The following EFCAB6 variants were observed in gnomAD, a reference collection of about 807,000 sequenced individuals.
EFCAB6 encodes the protein EF-hand calcium-binding domain-containing protein 6.
Under a neutral mutation model 169.8 loss-of-function variants are expected in EFCAB6, and 156 were observed. That is an observed-to-expected ratio of 0.92 (90% CI 0.81 to 1.05). EFCAB6 has a LOEUF of 1.05. Ranked by LOEUF, EFCAB6 falls within the 50% of genes least tolerant of loss-of-function variation. The probability of loss-of-function intolerance (pLI) is 0.00; values close to 1 mark genes in which losing one functional copy is unlikely to be tolerated. For missense variants in EFCAB6, 1,800 were observed against 1,829.1 expected (o/e 0.98, Z 0.29); for synonymous variants, 698 against 676.4 (o/e 1.03, Z -0.50).
chr22:43,612,622 TGGC>T (rs1411768256), intron 21 of EFCAB6, among the ~76,000 whole-genome samples: 35 of 152,184 alleles, frequency 2.3e-4, no homozygotes, highest in African/African-American at 7.7e-4. Flanking sequence ...CCAGGTGTGG[TGGC>T]TCACACCTGT....
intron 10 of EFCAB6, among the ~76,000 whole-genome samples, chr22:43,708,456 G>A (rs1338649944): frequency 6.6e-6 from 1 of 151,862 alleles, no homozygotes; most frequent in Non-Finnish European, 1.5e-5. Context: ...AAGAAAAAAA[G>A]AAGAGCAGAA....
intron 18 of EFCAB6, among the ~76,000 whole-genome samples, chr22:43,633,477 G>A (rs1211817733): frequency 6.6e-6 from 1 of 152,218 alleles, no homozygotes; most frequent in Non-Finnish European, 1.5e-5. Context: ...GAACCCAGGA[G>A]GCTGAGGTTG....
intron 10 of EFCAB6, among the ~76,000 whole-genome samples, chr22:43,700,261 A>G (rs1272244224): frequency 6.6e-6 from 1 of 152,180 alleles, no homozygotes; most frequent in African/African-American, 2.4e-5. Flanking sequence ...TAGGGTTTAA[A>G]ATTTAAGCCC....
chr22:43,763,753 A>C (rs1054363129), intron 5 of EFCAB6, among the ~76,000 whole-genome samples: 2 of 151,764 alleles, frequency 1.3e-5, no homozygotes, highest in Non-Finnish European at 2.9e-5. Context: ...GTGTATTTAT[A>C]ATTTCAACTT....
chr22:43,537,326 T>A lies in EFCAB6; in HGVS notation c.4048+51A>T. ...CTTTGTACCCAGTGGGAACAGCCTC[T>A]TGCCACAGGGGCTGACCACATATTA... On this transcript the variant is annotated intron_variant, in intron 29 of 31. Transcript: ENST00000262726. This position sits in a 1 kb window ranked among gnomAD's most constrained non-coding sequence, Gnocchi z 4.3. 1 of 1,592,812 alleles carries A rather than the reference T, an allele frequency of 6.3e-7. No individual in the cohort carries two copies. The highest frequency in any genetic ancestry group is 8.6e-7 in the Non-Finnish European group (1 of 1,167,024).
intron 7 of EFCAB6, among the ~76,000 whole-genome samples, chr22:43,733,771 C>T (rs11090606): frequency 0.37 from 56,852 of 151,734 alleles, 11,337 homozygotes; most frequent in African/African-American, 0.48. Context: ...TGCAGTGGTG[C>T]GATCTCAGCT....
chr22:43,667,870 T>C (rs1395340564), intron 16 of EFCAB6, among the ~76,000 whole-genome samples: 1 of 152,150 alleles, frequency 6.6e-6, no homozygotes, highest in Non-Finnish European at 1.5e-5. Flanking sequence ...GACAGCTATT[T>C]CCTCAGCTCT....
chr22:43,762,029 T>C (rs2147906735), intron 5 of EFCAB6, among the ~76,000 whole-genome samples: 1 of 152,324 alleles, frequency 6.6e-6, no homozygotes, highest in Non-Finnish European at 1.5e-5. Context: ...CTTTAAGGGA[T>C]AGGTTGAAGA....
intron 12 of EFCAB6, among the ~76,000 whole-genome samples, chr22:43,679,505 A>T (rs1045575900): frequency 5.3e-5 from 8 of 152,190 alleles, no homozygotes; most frequent in Non-Finnish European, 1.2e-4. Flanking sequence ...GATACTTAGG[A>T]GTGGAATTGC....
At chr22:43,693,244 C>A (rs1689433771) in intron 10 of EFCAB6, among the ~76,000 whole-genome samples, 1 of 151,834 alleles carries the variant, frequency 6.6e-6, no homozygotes, top group South Asian at 2.1e-4. Context: ...AAGGACACTA[C>A]CTGGAGCCAT....
chr22:43,536,226 C>T (rs1315973645), intron 29 of EFCAB6: 1 of 152,082 alleles, frequency 6.6e-6, no homozygotes, highest in Non-Finnish European at 1.5e-5. Context: ...TGTGTGACAA[C>T]CAACATGCGT....
intron 23 of EFCAB6, 94 bp from the exon 24 acceptor site, chr22:43,590,323 C>CCATCAGCTCAT: frequency 2.1e-6 from 3 of 1,408,472 alleles, no homozygotes; most frequent in Non-Finnish European, 2.9e-6. Flanking sequence ...ATGCAATGAG[C>CCATCAGCTCAT]TGATGGCTCA....
chr22:43,537,255 A>T lies in EFCAB6; in HGVS notation c.4048+122T>A. 1 of 1,278,626 alleles carries T rather than the reference A, an allele frequency of 7.8e-7. No homozygotes were observed. The highest frequency in any genetic ancestry group is 1.1e-6 in the Non-Finnish European group (1 of 920,110). The allele number at this position is 1,278,626 out of a possible 1,614,324, so 79.2% of individuals were successfully genotyped here. On this transcript the variant is annotated intron_variant, in intron 29 of 31. Coordinates refer to ENST00000262726, the MANE Select transcript of EFCAB6 (RefSeq NM_022785.4). The surrounding 1 kb of genome is among the most constrained non-coding windows in gnomAD (Gnocchi z 4.3). ...CTGCACAGCCCACCCAGAAGTTCCCACCAGTTTCCTGTTCTGCTGCTCCCT... is the reference window on the plus strand; with the variant it reads ...CTGCACAGCCCACCCAGAAGTTCCCTCCAGTTTCCTGTTCTGCTGCTCCCT...
At chr22:43,689,314 G>T (rs991915540) in intron 10 of EFCAB6, among the ~76,000 whole-genome samples, 1 of 151,024 alleles carries the variant, frequency 6.6e-6, no homozygotes, top group African/African-American at 2.4e-5. Context: ...CGTGAGCCAC[G>T]CGAGGGAGAG....
chr22:43,628,231 C>T lies in EFCAB6; in HGVS notation c.2233-1552G>A. 6.6e-6 allele frequency among the ~76,000 whole-genome samples: 1 copy of T among 152,132 alleles called. No homozygotes were observed. Among genetic ancestry groups the T allele is most frequent in the East Asian group, 1.9e-4 (1 of 5,192 alleles). ...AGTCTTCCCATCTCAGTAAGTGGAG[C>T]TCTTTCCTCCTGGTTGCTCAGACAC... On this transcript the variant is annotated intron_variant, in intron 19 of 31. Coordinates refer to ENST00000262726, the MANE Select transcript of EFCAB6 (RefSeq NM_022785.4). The surrounding 1 kb of genome is among the most constrained non-coding windows in gnomAD (Gnocchi z 4.8).
chr22:43,637,253 C>T (rs751433202), intron 17 of EFCAB6, among the ~76,000 whole-genome samples: 1 of 152,186 alleles, frequency 6.6e-6, no homozygotes, highest in Non-Finnish European at 1.5e-5. Flanking sequence ...GCCCCTCACA[C>T]TAGAGCTGTA....
chr22:43,563,788 C>T (rs945958951), intron 26 of EFCAB6, among the ~76,000 whole-genome samples: 4 of 152,200 alleles, frequency 2.6e-5, no homozygotes, highest in Non-Finnish European at 4.4e-5. Context: ...TCCTGGTGCC[C>T]ATTACTGCCT....
chr22:43,600,390 T>C lies in EFCAB6; in HGVS notation c.2682-127A>G, dbSNP rs551904022. On this transcript the variant is annotated intron_variant, in intron 22 of 31. Transcript: ENST00000262726. ...CTTCCATCCCTCACCACTCGGAGCA[T>C]GCCCTGTGGGCCAGCGGAATCAGCC... is the stretch of plus-strand genomic sequence containing the variant. 2.5e-5 allele frequency: 25 copies of C among 984,712 alleles called. No homozygotes were observed. The East Asian group carries it at 5.6e-4, about 22-fold the overall frequency. The allele number at this position is 984,712 out of a possible 1,614,324, so 61.0% of individuals were successfully genotyped here. A position where few individuals can be genotyped will look rare whatever the true frequency, so the allele number is the denominator to read the frequency against.
chr22:43,637,079 G>A (rs533935305), intron 17 of EFCAB6, among the ~76,000 whole-genome samples: 112 of 152,272 alleles, frequency 7.4e-4, no homozygotes, highest in Non-Finnish European at 1.5e-3. Flanking sequence ...AGGCCACATA[G>A]GCAAAATCCA....
Sources: allele counts gnomAD v4.1 joint callset (sites outside exome capture counted in the v4.1 genomes callset), GRCh38; gene constraint gnomAD v4.1.1; non-coding constraint Gnocchi (gnomAD v3.1); transcripts MANE v1.5; gene names NCBI Gene and HGNC (gene_info 2026-07-23, HGNC 2026-07-21).